Variants in OCM observed in about 807,000 individuals in gnomAD.
OCM encodes the protein oncomodulin.
Under a neutral mutation model 14.1 loss-of-function variants are expected in OCM, and 18 were observed. The observed-to-expected ratio is 1.28, with a 90% CI of 0.88 to 1.89. The LOEUF (loss-of-function observed/expected upper bound fraction) is 1.89. OCM is among the 40% of genes most tolerant of loss of function. The pLI, the probability that OCM is intolerant of heterozygous loss-of-function variation, is 0.00. For missense variants in OCM, 140 were observed against 137.6 expected (o/e 1.02, Z -0.09); for synonymous variants, 48 against 51.0 (o/e 0.94, Z 0.25).
the OCM span, among the ~76,000 whole-genome samples, chr7:5,866,975 G>T: frequency 6.6e-6 from 1 of 152,096 alleles, no homozygotes; most frequent in African/African-American, 2.4e-5. Context: ...ACAATATGTG[G>T]TGGATATTTT....
chr7:5,883,098 T>A (rs895210708), intron 2 of OCM, among the ~76,000 whole-genome samples: 1 of 152,160 alleles, frequency 6.6e-6, no homozygotes, highest in African/African-American at 2.4e-5. Flanking sequence ...TGCCTTGGCC[T>A]CCCAAAGTGC....
At chr7:5,861,421 TAAAAA>T in the OCM span, among the ~76,000 whole-genome samples, 1 of 141,672 alleles carries the variant, frequency 7.1e-6, no homozygotes, top group African/African-American at 2.6e-5. Context: ...AATTCTGTCT[TAAAAA>T]AAAAAAAAGA....
the OCM span, among the ~76,000 whole-genome samples, chr7:5,860,754 A>T: frequency 6.8e-6 from 1 of 146,094 alleles, no homozygotes; most frequent in Non-Finnish European, 1.5e-5. Context: ...ACACATATAT[A>T]CGTATATATA....
chr7:5,880,541 C>T (rs1298808820), upstream of OCM, among the ~76,000 whole-genome samples: 1 of 152,064 alleles, frequency 6.6e-6, no homozygotes, highest in Admixed American at 6.6e-5. Context: ...GGCAGATCAC[C>T]TGAGGTCAGG....
chr7:5,885,643 C>T (rs1256565149), intron 3 of OCM, among the ~76,000 whole-genome samples: 1 of 145,018 alleles, frequency 6.9e-6, no homozygotes, highest in African/African-American at 2.6e-5. Context: ...TGGAGTCTGG[C>T]TCTCTCGCCC....
chr7:5,878,401 G>A (rs1435593724), upstream of OCM, among the ~76,000 whole-genome samples: 1 of 151,692 alleles, frequency 6.6e-6, no homozygotes, highest in African/African-American at 2.4e-5. Context: ...GAGATCTCTC[G>A]TTCAATAATG....
the OCM span, among the ~76,000 whole-genome samples, chr7:5,874,010 G>T: frequency 6.6e-6 from 1 of 150,904 alleles, no homozygotes; most frequent in Non-Finnish European, 1.5e-5. Context: ...GAGGTCAGGA[G>T]TTGGAGACCA....
At chr7:5,872,823 AT>A in the OCM span, among the ~76,000 whole-genome samples, 1 of 152,124 alleles carries the variant, frequency 6.6e-6, no homozygotes, top group Non-Finnish European at 1.5e-5. Context: ...CTATTATCCT[AT>A]GACCCTGCCA....
upstream of OCM, among the ~76,000 whole-genome samples, chr7:5,876,288 G>A (rs1430287622): frequency 2.0e-5 from 3 of 152,136 alleles, no homozygotes; most frequent in Non-Finnish European, 2.9e-5. Flanking sequence ...ACAGGCGTGC[G>A]CCACTGGACC....
Position 5,880,939 on chromosome 7 carries a change from A to G in OCM, c.50A>G (p.Gln17Arg), listed in dbSNP as rs1403347343. The G allele has an allele frequency of 4.4e-6, 7 of 1,602,456 alleles. No individual in the cohort carries two copies. Among genetic ancestry groups the G allele is most frequent in the Non-Finnish European group, 6.0e-6 (7 of 1,170,730 alleles). The stretch of plus-strand genomic sequence containing the variant: ...GCTGACGACATTGCAGCAGCGCTCC[A>G]GGAATGCCGAGGTAGAGGGGACGTG... ...LSADDIAAALQECRDPDTFEP... is the reference protein window; with the variant it reads ...LSADDIAAALRECRDPDTFEP... Residue 17 changes from glutamine (Q) to arginine (R), a missense_variant, in exon 1 of 4, where the codon CAG becomes CGG. Coordinates refer to ENST00000242104, the MANE Select transcript of OCM (RefSeq NM_001097622.2).
At chr7:5,884,345 T>C (rs1042810010) in intron 3 of OCM, among the ~76,000 whole-genome samples, 1 of 152,178 alleles carries the variant, frequency 6.6e-6, no homozygotes, top group African/African-American at 2.4e-5. Flanking sequence ...TTTCTACCAG[T>C]GGGGTTTGAA....
chr7:5,871,178 C>CG, the OCM span, among the ~76,000 whole-genome samples: 1 of 151,496 alleles, frequency 6.6e-6, no homozygotes, highest in East Asian at 1.9e-4. Flanking sequence ...GAGAGCCCCC[C>CG]CCCCGTCTCT....
In OCM at chr7:5,882,114, A is replaced by T. The variant is rs1562530325; in HGVS notation, c.62-379A>T. Among the ~76,000 whole-genome samples the T allele has an allele frequency of 2.5e-5, 3 of 119,296 alleles. 1 individual carries two copies. The highest frequency in any genetic ancestry group is 9.6e-5 in the Admixed American group (1 of 10,460). 78.3% of individuals were successfully genotyped at this position (119,296 alleles called of 152,430 possible). A position where few individuals can be genotyped will look rare whatever the true frequency, so the allele number is the denominator to read the frequency against. ...AAAAAAAAAAAAAAAAAAAAAAAAA[A>T]AAAAAGCGCCAAAGGCCATTTAGCC... On this transcript the variant is annotated intron_variant, in intron 1 of 3. Transcript: ENST00000242104.
chr7:5,865,876 A>AT, the OCM span, among the ~76,000 whole-genome samples: 2 of 152,328 alleles, frequency 1.3e-5, no homozygotes, highest in African/African-American at 4.8e-5. Context: ...AAGAAAATGC[A>AT]TATACACATC....
chr7:5,875,446 A>G (rs181801193), upstream of OCM, among the ~76,000 whole-genome samples: 118 of 152,190 alleles, frequency 7.8e-4, no homozygotes, highest in Non-Finnish European at 1.5e-3. Flanking sequence ...TGTTCACTGA[A>G]TATGTTCTTT....
the OCM span, among the ~76,000 whole-genome samples, chr7:5,863,367 C>T: frequency 2.0e-5 from 3 of 151,794 alleles, no homozygotes; most frequent in Non-Finnish European, 4.4e-5. Context: ...TTCCCTTTTT[C>T]GGTTAATATT....
the OCM span, among the ~76,000 whole-genome samples, chr7:5,859,978 G>T: frequency 6.6e-6 from 1 of 151,980 alleles, no homozygotes; most frequent in African/African-American, 2.4e-5. Flanking sequence ...GTGAGCCACC[G>T]CGCCCAGCCA....
At chr7:5,873,778 C>T in the OCM span, among the ~76,000 whole-genome samples, 3,322 of 151,988 alleles carry the variant, frequency 0.022, 137 homozygotes, top group African/African-American at 0.076. Context: ...GTGACGGTGG[C>T]CCATGAAGAG....
chr7:5,882,496 C>T lies in OCM; in HGVS notation c.65C>T (p.Pro22Leu), dbSNP rs1781237980. 3 of 1,613,956 alleles carry T rather than the reference C, an allele frequency of 1.9e-6. No homozygotes were observed. The highest frequency in any genetic ancestry group is 1.7e-6 in the Non-Finnish European group (2 of 1,179,944). The change falls in exon 2 of 4, where the codon CCA (proline) becomes CTA (leucine). Residue 22 changes from proline to leucine, a missense_variant. By Grantham distance (98) the Pro-to-Leu change is moderately conservative (BLOSUM62 -3). Transcript: ENST00000242104. The part of the protein sequence containing the change: ...IAAALQECRD[P>L]DTFEPQKFFQ... Reference sequence around the variant, plus strand: ...TAACCAATTCTCTGTTCTTCAGACCCAGACACTTTTGAACCCCAAAAATTC... The same window carrying T: ...TAACCAATTCTCTGTTCTTCAGACCTAGACACTTTTGAACCCCAAAAATTC...
Sources: gnomAD v4.1 joint callset for allele counts (sites outside exome capture counted in the v4.1 genomes callset) on GRCh38, gnomAD v4.1.1 for gene constraint, MANE v1.5 for transcripts, NCBI Gene and HGNC (gene_info 2026-07-23, HGNC 2026-07-21) for gene names.